The following DNAH3 variants were observed in gnomAD, a reference collection of about 807,000 sequenced individuals.
DNAH3 encodes the protein axonemal beta dynein heavy chain 3.
DNAH3 carries 332 observed loss-of-function variants against 432.5 expected under a neutral mutation model. That is an observed-to-expected ratio of 0.77 (90% CI 0.70 to 0.84). The LOEUF (loss-of-function observed/expected upper bound fraction) is 0.84, where lower values mean the gene tolerates loss of function less well. DNAH3 is among the 40% of genes least tolerant of loss of function. The pLI is 0.00. For synonymous variants in DNAH3, 1,956 were observed against 1,900.2 expected (o/e 1.03, Z -0.76); for missense variants, 4,861 against 5,114.0 (o/e 0.95, Z 1.51).
intron 8 of DNAH3, 25 bp from the exon 10 acceptor site, chr16:21,125,395 G>A (rs779312235): frequency 6.5e-7 from 1 of 1,547,294 alleles, no homozygotes; most frequent in East Asian, 2.3e-5. Context: ...GGGTGTCCAT[G>A]TGAGAAGCTC....
chr16:21,068,020 G>C (rs2090635124), intron 23 of DNAH3, among the ~76,000 whole-genome samples: 1 of 152,022 alleles, frequency 6.6e-6, no homozygotes, highest in Admixed American at 6.6e-5. Flanking sequence ...ATAAAGAATT[G>C]GCTTATGCTG....
At chr16:21,137,037 G>A (rs555858387) in intron 5 of DNAH3, among the ~76,000 whole-genome samples, 3 of 152,054 alleles carry the variant, frequency 2.0e-5, no homozygotes, top group Non-Finnish European at 4.4e-5. Context: ...AGGAGGCTGA[G>A]GCAGGAAAAT....
Position 20,933,459 on chromosome 16 carries a change from AG to A in DNAH3, c.12045del (p.Tyr4016ThrfsTer7). The A allele has an allele frequency of 6.2e-7, 1 of 1,612,722 alleles. No individual in the cohort carries two copies. The highest frequency in any genetic ancestry group is 8.5e-7 in the Non-Finnish European group (1 of 1,179,284). On this transcript the variant is annotated frameshift_variant, in exon 62 of 62. Transcript: ENST00000261383. LOFTEE classifies it high-confidence loss of function. The stretch of plus-strand genomic sequence containing the variant: ...CCTTCTAAGAAGAGCCCTTTGATGT[AG>A]GCCCCATCTTCGGGGTTATTCTCCA...
chr16:21,041,976 A>G (rs1597218588), intron 32 of DNAH3, 51 bp downstream of exon 32: 1 of 1,606,190 alleles, frequency 6.2e-7, no homozygotes, highest in African/African-American at 1.3e-5. Flanking sequence ...CCCGGCCCAG[A>G]GGTTTCTATT....
chr16:21,010,338 C>G (rs372384248), intron 41 of DNAH3, among the ~76,000 whole-genome samples: 12 of 152,132 alleles, frequency 7.9e-5, no homozygotes, highest in Non-Finnish European at 1.0e-4. Flanking sequence ...CCCTACCCCC[C>G]CTACCCCAGC....
intron 1 of DNAH3, among the ~76,000 whole-genome samples, chr16:21,153,221 G>C (rs972164981): frequency 6.6e-6 from 1 of 151,874 alleles, no homozygotes. Context: ...GTCTAGCTTG[G>C]GGATTGTAAA....
chr16:21,125,521 T>C (rs567784758), intron 8 of DNAH3, 151 bp from the exon 10 acceptor site: 274 of 522,446 alleles, frequency 5.2e-4, no homozygotes, highest in Middle Eastern at 3.5e-3. Context: ...CCAGCCACCT[T>C]ACCTGCCATG....
chr16:21,015,615 G>T (rs977248889), intron 41 of DNAH3, among the ~76,000 whole-genome samples: 1 of 152,118 alleles, frequency 6.6e-6, no homozygotes, highest in African/African-American at 2.4e-5. Flanking sequence ...CCACAGTACT[G>T]CAAGATGTTA....
chr16:20,981,704 G>A (rs571761371), intron 49 of DNAH3, among the ~76,000 whole-genome samples: 18 of 152,068 alleles, frequency 1.2e-4, no homozygotes, highest in South Asian at 6.2e-4. Context: ...CAACCTGGGC[G>A]ACAGAGTGAG....
chr16:20,949,023 C>G (rs1430551848), intron 56 of DNAH3, among the ~76,000 whole-genome samples: 2 of 152,092 alleles, frequency 1.3e-5, no homozygotes, highest in East Asian at 3.9e-4. Context: ...GCCTTTTCAG[C>G]TCCCTTTCCC....
At chr16:21,124,402 A>T (rs566126486) in intron 9 of DNAH3, among the ~76,000 whole-genome samples, 10 of 152,218 alleles carry the variant, frequency 6.6e-5, no homozygotes, top group Non-Finnish European at 1.3e-4. Context: ...ACTTCTGTAC[A>T]TTTTTACCAA....
chr16:21,040,085 G>A (rs2089362646), intron 32 of DNAH3, 142 bp from the exon 33 acceptor site: 1 of 727,332 alleles, frequency 1.4e-6, no homozygotes, highest in African/African-American at 1.8e-5. Context: ...TGGGGGACAA[G>A]TGAGTGCAGA....
intron 11 of DNAH3, among the ~76,000 whole-genome samples, chr16:21,118,921 G>C (rs1279724200): frequency 6.6e-6 from 1 of 152,160 alleles, no homozygotes; most frequent in Non-Finnish European, 1.5e-5. Flanking sequence ...TTTAGTGGCT[G>C]GTCTCAGAAA....
chr16:21,073,979 A>C (rs2090887249), intron 21 of DNAH3, among the ~76,000 whole-genome samples: 1 of 152,158 alleles, frequency 6.6e-6, no homozygotes, highest in African/African-American at 2.4e-5. Context: ...TAAGCCCCAA[A>C]ACACAGTTTT....
intron 1 of DNAH3, among the ~76,000 whole-genome samples, chr16:21,151,742 G>A (rs1205231734): frequency 2.6e-5 from 4 of 152,088 alleles, no homozygotes; most frequent in Non-Finnish European, 5.9e-5. Context: ...AGAAATACAT[G>A]TGCACATACT....
chr16:21,105,197 G>T (rs2091919239), intron 15 of DNAH3, among the ~76,000 whole-genome samples: 1 of 152,046 alleles, frequency 6.6e-6, no homozygotes, highest in Admixed American at 6.6e-5. Flanking sequence ...GATGGTTAGG[G>T]AACCACTTTT....
chr16:20,952,035 G>A (rs1243924713), intron 56 of DNAH3, among the ~76,000 whole-genome samples: 1 of 151,902 alleles, frequency 6.6e-6, no homozygotes, highest in East Asian at 1.9e-4. Flanking sequence ...GAGCCACCAC[G>A]CCTGGCCAAT....
intron 41 of DNAH3, among the ~76,000 whole-genome samples, chr16:21,004,547 T>C (rs1264766236): frequency 1.3e-5 from 2 of 152,106 alleles, no homozygotes; most frequent in African/African-American, 4.8e-5. Context: ...TTTGTATTAT[T>C]AGTAGACACA....
rs368345567 is a variant in DNAH3, at chr16:21,019,692, C to T, written c.5954G>A (p.Gly1985Asp). Residue 1985 changes from glycine to aspartate, a missense_variant, in exon 41 of 62, where the codon GGC (glycine) becomes GAC (aspartate). Physicochemically the swap from Gly to Asp is moderately conservative, Grantham distance 94. Coordinates refer to ENST00000261383, the Ensembl canonical transcript of DNAH3. Reference sequence around the variant, plus strand: ...GGGCCTTGGGTGGTTATCATCCATGCCCATGATCAGGTTGCGGAAAAACAC... The same window carrying T: ...GGGCCTTGGGTGGTTATCATCCATGTCCATGATCAGGTTGCGGAAAAACAC... 7.2e-5 allele frequency: 117 copies of T among 1,613,984 alleles called. 1 individual carries two copies. Among genetic ancestry groups the T allele is most frequent in the South Asian group, 2.5e-4 (23 of 91,072 alleles).
Sources: allele counts gnomAD v4.1 joint callset (sites outside exome capture counted in the v4.1 genomes callset), GRCh38; gene constraint gnomAD v4.1.1; transcripts MANE v1.5; gene names NCBI Gene and HGNC (gene_info 2026-07-23, HGNC 2026-07-21).